The following LSAMP variants were observed in gnomAD, a reference collection of about 807,000 sequenced individuals.
The protein encoded by LSAMP is limbic system-associated membrane protein.
A neutral mutation model predicts 38.6 loss-of-function variants in LSAMP; 7 were observed. The ratio of observed to expected loss-of-function variants is 0.18; its 90% confidence interval spans 0.10 to 0.34. The LOEUF (loss-of-function observed/expected upper bound fraction) is 0.34. Ranked by LOEUF, LSAMP falls within the 10% of genes least tolerant of loss-of-function variation. The pLI, the probability that LSAMP is intolerant of heterozygous loss-of-function variation, is 1.00. For missense variants in LSAMP, 313 were observed against 420.0 expected (o/e 0.75, Z 2.23); for synonymous variants, 154 against 166.8 (o/e 0.92, Z 0.59).
chr3:116,307,106 A>ATACTT (rs1177156847), intron 1 of LSAMP, among the ~76,000 whole-genome samples: 1 of 152,050 alleles, frequency 6.6e-6, no homozygotes, highest in Non-Finnish European at 1.5e-5. Context: ...GTGAAGCTTA[A>ATACTT]TACTTTAAAT....
intron 1 of LSAMP, among the ~76,000 whole-genome samples, chr3:116,369,254 G>A (rs1238443101): frequency 6.6e-6 from 1 of 152,164 alleles, no homozygotes; most frequent in Non-Finnish European, 1.5e-5. Context: ...TACTGGTTGA[G>A]GCAGACAGAT....
At chr3:115,834,534 G>C (rs1474803847) in intron 6 of LSAMP, 10 of 1,280,456 alleles carry the variant, frequency 7.8e-6, no homozygotes, top group Non-Finnish European at 1.0e-5. Flanking sequence ...CCCAGGAAGA[G>C]AGCTACAGTG....
chr3:115,899,546 T>C (rs942560899), intron 3 of LSAMP, among the ~76,000 whole-genome samples: 3 of 152,156 alleles, frequency 2.0e-5, no homozygotes, highest in African/African-American at 7.2e-5. Context: ...TTTTAAACCA[T>C]GTCCTTGGAA....
chr3:115,983,201 A>C (rs975278289), intron 3 of LSAMP, among the ~76,000 whole-genome samples: 1 of 152,120 alleles, frequency 6.6e-6, no homozygotes, highest in Non-Finnish European at 1.5e-5. Flanking sequence ...AGCATTTGAC[A>C]TGGTATTTAG....
In LSAMP at chr3:115,948,440, C is replaced by T. The variant is rs144990449; in HGVS notation, c.514+71075G>A. Among the ~76,000 whole-genome samples, 1,050 of 152,118 alleles carry T rather than the reference C, an allele frequency of 6.9e-3. 13 individuals are homozygous for T. Among genetic ancestry groups the T allele is most frequent in the Middle Eastern group, 0.031 (9 of 294 alleles). ...AATCATATCAAGTATCCTCTCAGACCACAGTGAAATGAAACTGGAAATTAA... is the reference window on the plus strand; with the variant it reads ...AATCATATCAAGTATCCTCTCAGACTACAGTGAAATGAAACTGGAAATTAA... On this transcript the variant is annotated intron_variant, in intron 3 of 6. Transcript: ENST00000490035.
intron 3 of LSAMP, among the ~76,000 whole-genome samples, chr3:115,875,904 T>A (rs757209179): frequency 4.6e-5 from 7 of 152,116 alleles, no homozygotes; most frequent in Non-Finnish European, 8.8e-5. Flanking sequence ...AGAAACAACA[T>A]CCCCAATGCC....
intron 1 of LSAMP, among the ~76,000 whole-genome samples, chr3:116,326,135 T>G (rs1437472595): frequency 1.3e-5 from 2 of 152,106 alleles, no homozygotes; most frequent in African/African-American, 4.8e-5. Flanking sequence ...TCAAACTATC[T>G]ATATAGACAT....
intron 1 of LSAMP, among the ~76,000 whole-genome samples, chr3:116,224,290 CA>C (rs1230471649): frequency 6.6e-6 from 1 of 152,204 alleles, no homozygotes; most frequent in Non-Finnish European, 1.5e-5. Flanking sequence ...CAAGAATCCT[CA>C]AGCATTTTAC....
intron 2 of LSAMP, among the ~76,000 whole-genome samples, chr3:116,035,365 T>A (rs1266814258): frequency 6.6e-6 from 1 of 152,190 alleles, no homozygotes; most frequent in Non-Finnish European, 1.5e-5. Context: ...CACCTTAGAT[T>A]ATAGGTCCTA....
chr3:115,961,680 T>A (rs1273280788), intron 3 of LSAMP, among the ~76,000 whole-genome samples: 1 of 152,200 alleles, frequency 6.6e-6, no homozygotes, highest in East Asian at 1.9e-4. Context: ...CAGTTCAGCC[T>A]CCTTCCTCCA....
intron 1 of LSAMP, among the ~76,000 whole-genome samples, chr3:116,094,462 T>G (rs1047139441): frequency 6.6e-6 from 1 of 152,222 alleles, no homozygotes; most frequent in Non-Finnish European, 1.5e-5. Context: ...CTTCTCTGGA[T>G]TCATACCAAA....
chr3:115,858,095 C>T (rs1007068808), intron 3 of LSAMP, among the ~76,000 whole-genome samples: 1 of 151,396 alleles, frequency 6.6e-6, no homozygotes, highest in African/African-American at 2.4e-5. Context: ...TCTCTCATTC[C>T]CTTTCTTTCT....
intron 3 of LSAMP, among the ~76,000 whole-genome samples, chr3:115,891,607 G>A (rs1936602115): frequency 2.0e-5 from 3 of 151,974 alleles, no homozygotes; most frequent in Admixed American, 1.3e-4. Context: ...CAGGGTTCAA[G>A]CAACAGAAAA....
At chr3:115,918,863 G>T (rs959148065) in intron 3 of LSAMP, among the ~76,000 whole-genome samples, 1 of 152,080 alleles carries the variant, frequency 6.6e-6, no homozygotes, top group African/African-American at 2.4e-5. Context: ...GCCAACCTTT[G>T]TGCTAAATTC....
At chr3:115,825,536 C>T (rs900795037) in intron 6 of LSAMP, among the ~76,000 whole-genome samples, 12 of 152,300 alleles carry the variant, frequency 7.9e-5, no homozygotes, top group African/African-American at 2.6e-4. Context: ...TGCTAAATAA[C>T]AGGCTGTCAG....
intron 6 of LSAMP, among the ~76,000 whole-genome samples, chr3:115,817,182 G>T (rs977192080): frequency 6.6e-6 from 1 of 152,164 alleles, no homozygotes; most frequent in Non-Finnish European, 1.5e-5. Flanking sequence ...CTGCTGAAAT[G>T]ACAACAACTC....
At chr3:115,832,119 G>T (rs1472953025) in intron 6 of LSAMP, among the ~76,000 whole-genome samples, 3 of 152,174 alleles carry the variant, frequency 2.0e-5, no homozygotes, top group Non-Finnish European at 4.4e-5. Context: ...ATCTTGATGA[G>T]CCATGTAGAG....
At chr3:116,396,708 C>T (rs2107820146) in intron 1 of LSAMP, among the ~76,000 whole-genome samples, 1 of 152,286 alleles carries the variant, frequency 6.6e-6, no homozygotes, top group South Asian at 2.1e-4. Flanking sequence ...TGTTTGTCTA[C>T]TGTTCTACTC....
intron 1 of LSAMP, among the ~76,000 whole-genome samples, chr3:116,197,550 T>C (rs1397342012): frequency 6.6e-6 from 1 of 152,246 alleles, no homozygotes; most frequent in Admixed American, 6.5e-5. Flanking sequence ...TCAATGTCTT[T>C]CTTATTTCAC....
Sources: allele counts gnomAD v4.1 joint callset (sites outside exome capture counted in the v4.1 genomes callset), GRCh38; gene constraint gnomAD v4.1.1; transcripts MANE v1.5; gene names NCBI Gene and HGNC (gene_info 2026-07-23, HGNC 2026-07-21).